SVIL: variants seen among roughly 807,000 people sequenced by gnomAD.
SVIL encodes archvillin.
SVIL carries 101 observed loss-of-function variants against 240.4 expected under a neutral mutation model. The observed-to-expected ratio is 0.42, with a 90% CI of 0.36 to 0.50. The LOEUF (loss-of-function observed/expected upper bound fraction) is 0.50. Among genes scored for constraint, SVIL ranks in the 20% least tolerant of loss-of-function variants. The pLI is 0.01. For missense variants in SVIL, 2,512 were observed against 2,818.7 expected (o/e 0.89, Z 2.46); for synonymous variants, 999 against 1,100.0 (o/e 0.91, Z 1.82).
intron 1 of SVIL, among the ~76,000 whole-genome samples, chr10:29,601,158 T>TA (rs202025229): frequency 0.031 from 4,663 of 152,296 alleles, 123 homozygotes; most frequent in Admixed American, 0.076. Flanking sequence ...CAGCTAATGA[T>TA]ACCAGCATAA....
chr10:29,516,751 G>A (rs1464614167), intron 16 of SVIL, among the ~76,000 whole-genome samples: 3 of 152,306 alleles, frequency 2.0e-5, no homozygotes, highest in Non-Finnish European at 4.4e-5. Context: ...CAGGGCCACC[G>A]TGACAGGTGC....
intron 1 of SVIL, among the ~76,000 whole-genome samples, chr10:29,575,812 A>C (rs7903861): frequency 6.6e-6 from 1 of 152,048 alleles, no homozygotes; most frequent in Non-Finnish European, 1.5e-5. Context: ...TGGAATCCTC[A>C]TGAGAAAATC....
upstream of SVIL, chr10:29,735,934 C>G (rs1046168451): frequency 3.3e-5 from 5 of 152,416 alleles, no homozygotes; most frequent in African/African-American, 9.7e-5. The surrounding 1 kb of genome is among the most constrained non-coding windows in gnomAD (Gnocchi z 4.1). Context: ...CGTCCCCACC[C>G]CTTGCGACCC....
chr10:29,509,480 G>A lies in SVIL; in HGVS notation c.3516+3255C>T, dbSNP rs935723735. ...TCAATCCTCATTTTGGGGGGAGGGTGTGTAAAATGGGGAAAGAAGGAACTG... is the reference window on the plus strand; with the variant it reads ...TCAATCCTCATTTTGGGGGGAGGGTATGTAAAATGGGGAAAGAAGGAACTG... On this transcript the variant is annotated intron_variant, in intron 17 of 37. Transcript: ENST00000355867. 2.2e-4 allele frequency among the ~76,000 whole-genome samples: 34 copies of A among 152,284 alleles called. No homozygotes were observed. In the South Asian group the frequency reaches 2.3e-3, roughly 10 times the overall value.
intron 36 of SVIL, among the ~76,000 whole-genome samples, chr10:29,461,332 G>A (rs779951086): frequency 3.3e-5 from 5 of 152,084 alleles, no homozygotes; most frequent in African/African-American, 1.2e-4. Context: ...TTCCGGCTGC[G>A]GCAGACACCA....
At position 29,473,843 on chromosome 10, in the gene SVIL, C is replaced by T. The variant is rs774975860; in HGVS notation, c.5524G>A (p.Ala1842Thr). ...CAGAGCTCCCCAGGACTCACCTGGG[C>T]CCCCCTTTCCTCGTCCAGCTCCACC... is the stretch of plus-strand genomic sequence containing the variant. ...MTVELDEERG[A>T]QVQVLQGKEP... The change falls in exon 30 of 38, where the codon GCC becomes ACC. Residue 1842 changes from alanine (A) to threonine (T), a missense_variant. Transcript: ENST00000355867. 29 of 1,613,792 alleles carry T rather than the reference C, an allele frequency of 1.8e-5. No individual in the cohort carries two copies. The highest frequency in any genetic ancestry group is 3.3e-5 in the Admixed American group (2 of 59,998).
At chr10:29,629,238 A>G (rs536821451) in intron 1 of SVIL, among the ~76,000 whole-genome samples, 5 of 152,184 alleles carry the variant, frequency 3.3e-5, no homozygotes, top group African/African-American at 1.2e-4. Context: ...AGAGAGCGGG[A>G]AGGGGTGGCA....
rs143742775 is a variant in SVIL, at chr10:29,714,293, A to G, written c.-400+21458T>C. Among the ~76,000 whole-genome samples, 70 of 152,344 alleles carry G rather than the reference A, an allele frequency of 4.6e-4. 1 individual carries two copies. In the East Asian group the frequency reaches 0.011, roughly 24 times the overall value. ...TTTCCGGAAGGCACTTTGAAATTAC[A>G]TAACGACATAGATGAACCAATACTT... is the stretch of plus-strand genomic sequence containing the variant. On this transcript the variant is annotated intron_variant, in intron 1 of 35. Coordinates refer to the SVIL transcript ENST00000375400.
At chr10:29,590,819 G>GA (rs1485482674) in intron 1 of SVIL, among the ~76,000 whole-genome samples, 1 of 152,042 alleles carries the variant, frequency 6.6e-6, no homozygotes, top group East Asian at 1.9e-4. Flanking sequence ...ACCCCTCTTT[G>GA]AAAAAACTTA....
chr10:29,680,570 T>C (rs932069327), intron 2 of SVIL, among the ~76,000 whole-genome samples: 1 of 152,208 alleles, frequency 6.6e-6, no homozygotes, highest in African/African-American at 2.4e-5. Flanking sequence ...ATATTTATGC[T>C]GTAAAAAGTG....
At chr10:29,547,546 G>T (rs1270443202) in intron 6 of SVIL, among the ~76,000 whole-genome samples, 1 of 152,048 alleles carries the variant, frequency 6.6e-6, no homozygotes, top group Non-Finnish European at 1.5e-5. Flanking sequence ...ACAAAGAAGT[G>T]GCTTTATTTT....
At chr10:29,557,855 T>A (rs891807505) in intron 3 of SVIL, among the ~76,000 whole-genome samples, 1 of 152,154 alleles carries the variant, frequency 6.6e-6, no homozygotes, top group Non-Finnish European at 1.5e-5. Context: ...ATCAGGGTCA[T>A]GGGCTCAGGA....
At chr10:29,557,313 G>A (rs548116876) in intron 3 of SVIL, among the ~76,000 whole-genome samples, 1 of 152,222 alleles carries the variant, frequency 6.6e-6, no homozygotes, top group Admixed American at 6.5e-5. Context: ...ATCCAGGATG[G>A]TCTTGAACTC....
At chr10:29,712,763 C>T (rs571108168) in intron 1 of SVIL, among the ~76,000 whole-genome samples, 1 of 152,174 alleles carries the variant, frequency 6.6e-6, no homozygotes, top group Non-Finnish European at 1.5e-5. Context: ...GAAAGATGGA[C>T]AACAGGAAAA....
At chr10:29,680,258 C>T (rs3847394) in intron 2 of SVIL, among the ~76,000 whole-genome samples, 16,280 of 152,124 alleles carry the variant, frequency 0.11, 1,060 homozygotes, top group Admixed American at 0.2. Context: ...TTCTCATAGG[C>T]GTTCTGTCCA....
chr10:29,654,212 C>A (rs532871167), intron 3 of SVIL, among the ~76,000 whole-genome samples: 1 of 152,134 alleles, frequency 6.6e-6, no homozygotes, highest in East Asian at 1.9e-4. Flanking sequence ...TCTTTAGTTT[C>A]TTTCAATGAT....
intron 3 of SVIL, among the ~76,000 whole-genome samples, chr10:29,650,611 T>A (rs1958804384): frequency 6.6e-6 from 1 of 152,178 alleles, no homozygotes; most frequent in Admixed American, 6.5e-5. Context: ...AAATTATATA[T>A]GAACAGTTAG....
At chr10:29,474,857 A>G (rs1452188686) in intron 29 of SVIL, among the ~76,000 whole-genome samples, 1 of 152,242 alleles carries the variant, frequency 6.6e-6, no homozygotes, top group Non-Finnish European at 1.5e-5. Flanking sequence ...TCTGTCAGAA[A>G]GGAGGAGATA....
chr10:29,537,037 TG>T (rs1379057206), intron 6 of SVIL, among the ~76,000 whole-genome samples: 1 of 152,028 alleles, frequency 6.6e-6, no homozygotes, highest in Non-Finnish European at 1.5e-5. Flanking sequence ...AGTTTTGCAG[TG>T]GCACGTTGGT....
Sources: gnomAD v4.1 joint callset for allele counts (sites outside exome capture counted in the v4.1 genomes callset) on GRCh38, gnomAD v4.1.1 for gene constraint, Gnocchi (gnomAD v3.1) non-coding constraint, MANE v1.5 for transcripts, NCBI Gene and HGNC (gene_info 2026-07-23, HGNC 2026-07-21) for gene names.